Variants in ZEB2 observed in about 807,000 individuals in gnomAD.
ZEB2 encodes zinc finger E-box binding homeobox 2, also known as zinc finger E-box-binding homeobox 2.
Under a neutral mutation model 99.9 loss-of-function variants are expected in ZEB2, and 6 were observed. The ratio of observed to expected loss-of-function variants is 0.06; its 90% CI spans 0.03 to 0.12. The LOEUF is 0.12. Among genes scored for constraint, ZEB2 ranks in the 10% least tolerant of loss-of-function variants. ZEB2 has a pLI of 1.00. For synonymous variants in ZEB2, 517 were observed against 542.5 expected (o/e 0.95, Z 0.65); for missense variants, 969 against 1,502.8 (o/e 0.64, Z 5.87).
At chr2:144,457,507 G>T (rs764946057) in intron 2 of ZEB2, among the ~76,000 whole-genome samples, 1 of 152,100 alleles carries the variant, frequency 6.6e-6, no homozygotes, top group Non-Finnish European at 1.5e-5. Flanking sequence ...ATGAAATCTT[G>T]TTCATCTGGT....
chr2:144,450,072 T>C (rs1186962346), intron 2 of ZEB2: 1 of 151,970 alleles, frequency 6.6e-6, no homozygotes, highest in Non-Finnish European at 1.5e-5. Flanking sequence ...TAATACATTG[T>C]ATTACCACTG....
intron 2 of ZEB2, among the ~76,000 whole-genome samples, chr2:144,452,868 G>A (rs1186872629): frequency 6.6e-6 from 1 of 152,060 alleles, no homozygotes; most frequent in Non-Finnish European, 1.5e-5. Context: ...CAGGAAACCT[G>A]GTCCCAACCT....
chr2:144,424,998 A>G (rs1024183974), intron 3 of ZEB2, 131 bp from the exon 4 acceptor site: 5 of 906,342 alleles, frequency 5.5e-6, no homozygotes, highest in Non-Finnish European at 8.7e-6. Context: ...ACCTCTAAAC[A>G]ATAGCTTTGT....
chr2:144,478,033 C>T (rs1197786555), intron 2 of ZEB2, among the ~76,000 whole-genome samples: 1 of 152,090 alleles, frequency 6.6e-6, no homozygotes, highest in Non-Finnish European at 1.5e-5. Context: ...CGGGTTTCAT[C>T]CCGTCACCCA....
At chr2:144,411,141 C>T (rs962411574) in intron 4 of ZEB2, among the ~76,000 whole-genome samples, 5 of 140,556 alleles carry the variant, frequency 3.6e-5, no homozygotes, top group Non-Finnish European at 7.7e-5. Flanking sequence ...CACACACACA[C>T]ACACACACGC....
At chr2:144,510,493 C>A (rs1019829549) in intron 2 of ZEB2, among the ~76,000 whole-genome samples, 3 of 152,294 alleles carry the variant, frequency 2.0e-5, no homozygotes, top group Admixed American at 6.5e-5. Context: ...GAATTCGATC[C>A]CCTCCTGACA....
In ZEB2 at chr2:144,389,367, T is replaced by G. The variant is rs1573707318; in HGVS notation, c.*84A>C. 1 of 1,507,228 alleles carries G rather than the reference T, an allele frequency of 6.6e-7. No individual in the cohort carries two copies. Among genetic ancestry groups the G allele is most frequent in the East Asian group, 2.3e-5 (1 of 44,344 alleles). The allele number at this position is 1,507,228 out of a possible 1,614,324, so 93.4% of individuals were successfully genotyped here. On this transcript the variant is annotated 3_prime_UTR_variant, in exon 10 of 10. Transcript: ENST00000627532. This position sits in a 1 kb window ranked among gnomAD's most constrained non-coding sequence, Gnocchi z 6.8. ...TTCCTGGAAGCGTCAGGCACGTGCA[T>G]GAACAGCTTAACACAGCAGTGTTTT...
chr2:144,455,803 C>G (rs931315051), intron 2 of ZEB2, among the ~76,000 whole-genome samples: 1 of 152,016 alleles, frequency 6.6e-6, no homozygotes, highest in African/African-American at 2.4e-5. Context: ...AGTACAGGAT[C>G]GTTGGAAATG....
chr2:144,468,398 G>A (rs572425518), intron 2 of ZEB2, among the ~76,000 whole-genome samples: 27 of 152,232 alleles, frequency 1.8e-4, no homozygotes, highest in African/African-American at 6.5e-4. Context: ...TACAAGAATA[G>A]TGGGTGATTT....
chr2:144,500,949 A>G (rs1045490797), intron 2 of ZEB2, among the ~76,000 whole-genome samples: 2 of 152,180 alleles, frequency 1.3e-5, no homozygotes, highest in Non-Finnish European at 2.9e-5. Flanking sequence ...CTATGATACA[A>G]TAAGATCACA....
chr2:144,517,171 G>T (rs1705166702), intron 2 of ZEB2, 107 bp downstream of exon 2: 5 of 1,473,268 alleles, frequency 3.4e-6, no homozygotes, highest in African/African-American at 1.4e-5. Context: ...AGAGCCCTGG[G>T]CGCCGCCGCC....
In ZEB2 at chr2:144,414,341, C is replaced by T. The variant is rs991202933; in HGVS notation, c.404-9317G>A. Among the ~76,000 whole-genome samples, 22 of 152,180 alleles carry T rather than the reference C, an allele frequency of 1.4e-4. 1 individual carries two copies. Among genetic ancestry groups the T allele is most frequent in the South Asian group, 1.0e-3 (5 of 4,814 alleles). Reference sequence around the variant, plus strand: ...AGTGTAAAATGAAAATGTTGGGCCCCTCATTCAAAAATTGTCAAGAGCTTC... The same window carrying T: ...AGTGTAAAATGAAAATGTTGGGCCCTTCATTCAAAAATTGTCAAGAGCTTC... On this transcript the variant is annotated intron_variant, in intron 4 of 9. Transcript: ENST00000627532.
intron 2 of ZEB2, among the ~76,000 whole-genome samples, chr2:144,473,732 G>C (rs1704391731): frequency 6.6e-6 from 1 of 152,162 alleles, no homozygotes; most frequent in Non-Finnish European, 1.5e-5. Flanking sequence ...AATTGAACAT[G>C]TAGCGTGGAG....
At chr2:144,477,540 C>T (rs1052234889) in intron 2 of ZEB2, among the ~76,000 whole-genome samples, 2 of 152,192 alleles carry the variant, frequency 1.3e-5, no homozygotes, top group African/African-American at 4.8e-5. Context: ...TTGTAACAAA[C>T]ACCAGCTATA....
intron 8 of ZEB2, among the ~76,000 whole-genome samples, chr2:144,397,210 A>G (rs1399093723): frequency 6.6e-6 from 1 of 152,222 alleles, no homozygotes; most frequent in African/African-American, 2.4e-5. Context: ...ATTTCTTGAT[A>G]TTTATTTTGT....
intron 2 of ZEB2, chr2:144,512,588 T>C: frequency 7.8e-7 from 1 of 1,287,196 alleles, no homozygotes. Flanking sequence ...GTGGAAGACG[T>C]GAATTTATTT....
chr2:144,491,745 C>G (rs562239536), intron 2 of ZEB2, among the ~76,000 whole-genome samples: 1 of 152,252 alleles, frequency 6.6e-6, no homozygotes, highest in East Asian at 1.9e-4. Context: ...TTTACATGCC[C>G]CTCTTCAGAT....
intron 2 of ZEB2, chr2:144,462,529 T>C (rs537538048): frequency 3.9e-5 from 6 of 152,182 alleles, no homozygotes; most frequent in South Asian, 2.1e-4. Flanking sequence ...TTTAGGAGCA[T>C]AAAAATAGAA....
At chr2:144,424,226 TA>T in intron 4 of ZEB2, 1 of 366,158 alleles carries the variant, frequency 2.7e-6, no homozygotes, top group South Asian at 2.1e-5. Flanking sequence ...TCATTAAAAA[TA>T]AGTAAACTTG....
Sources: gnomAD v4.1 joint callset for allele counts (sites outside exome capture counted in the v4.1 genomes callset) on GRCh38, gnomAD v4.1.1 for gene constraint, Gnocchi (gnomAD v3.1) non-coding constraint, MANE v1.5 for transcripts, NCBI Gene and HGNC (gene_info 2026-07-23, HGNC 2026-07-21) for gene names.